TNFSF4: variants seen among roughly 807,000 people sequenced by gnomAD.
TNFSF4 encodes the protein tumor necrosis factor ligand superfamily member 4.
A neutral mutation model predicts 7.3 loss-of-function variants in TNFSF4; 4 were observed. The observed-to-expected ratio is 0.55, with a 90% CI of 0.27 to 1.25. The LOEUF is 1.25. TNFSF4 is among the 50% of genes most tolerant of loss of function. The pLI is 0.12. For missense variants in TNFSF4, 181 were observed against 208.8 expected, an observed-to-expected ratio of 0.87 and a Z score of 0.82; for synonymous variants, 76 against 83.7, an observed-to-expected ratio of 0.91 and a Z score of 0.50.
chr1:173,374,595 C>A, the TNFSF4 span, among the ~76,000 whole-genome samples: 1 of 152,136 alleles, frequency 6.6e-6, no homozygotes, highest in East Asian at 1.9e-4. Flanking sequence ...TGAAAAGACT[C>A]CTACAGCTGA....
At chr1:173,426,606 T>C in the TNFSF4 span, among the ~76,000 whole-genome samples, 1 of 151,962 alleles carries the variant, frequency 6.6e-6, no homozygotes, top group African/African-American at 2.4e-5. Flanking sequence ...AAATTTTTAT[T>C]TTACTTTGAG....
the TNFSF4 span, among the ~76,000 whole-genome samples, chr1:173,404,094 C>T: frequency 6.6e-6 from 1 of 152,164 alleles, no homozygotes; most frequent in African/African-American, 2.4e-5. Flanking sequence ...GAGCACTAGA[C>T]ATGGAAGCAA....
At chr1:173,261,524 A>G in the TNFSF4 span, among the ~76,000 whole-genome samples, 1 of 152,312 alleles carries the variant, frequency 6.6e-6, no homozygotes, top group Middle Eastern at 3.4e-3. Context: ...CTTCAAAAAA[A>G]TCAATGAAAC....
At chr1:173,244,522 G>A in the TNFSF4 span, among the ~76,000 whole-genome samples, 8 of 149,272 alleles carry the variant, frequency 5.4e-5, no homozygotes, top group Non-Finnish European at 1.2e-4. Context: ...GGCGCCTGTA[G>A]TCCCAGCTAC....
the TNFSF4 span, among the ~76,000 whole-genome samples, chr1:173,442,582 C>T: frequency 1.6e-5 from 2 of 127,814 alleles, no homozygotes; most frequent in Non-Finnish European, 3.1e-5. Flanking sequence ...CAGAGTCTCG[C>T]TTTGTCGTCC....
the TNFSF4 span, among the ~76,000 whole-genome samples, chr1:173,265,603 C>G: frequency 2.4e-4 from 37 of 152,224 alleles, no homozygotes; most frequent in African/African-American, 8.7e-4. Context: ...CTTCAGCAAT[C>G]ATTTCCATAT....
the TNFSF4 span, among the ~76,000 whole-genome samples, chr1:173,325,067 T>C: frequency 6.6e-6 from 1 of 152,160 alleles, no homozygotes; most frequent in East Asian, 1.9e-4. Context: ...ATACATTCTT[T>C]TCAGCACCAC....
the TNFSF4 span, among the ~76,000 whole-genome samples, chr1:173,296,548 G>A: frequency 6.6e-6 from 1 of 151,908 alleles, no homozygotes; most frequent in African/African-American, 2.4e-5. Flanking sequence ...GTAATGTAAG[G>A]TGTGGTGGCT....
At chr1:173,367,575 G>A in the TNFSF4 span, among the ~76,000 whole-genome samples, 3 of 152,140 alleles carry the variant, frequency 2.0e-5, no homozygotes, top group South Asian at 2.1e-4. Flanking sequence ...GAGTCAGGGG[G>A]TTTATGGAGT....
chr1:173,407,419 G>C, the TNFSF4 span, among the ~76,000 whole-genome samples: 1 of 151,834 alleles, frequency 6.6e-6, no homozygotes, highest in Admixed American at 6.6e-5. Flanking sequence ...AATTTGTCGG[G>C]TGTGGTCGCA....
chr1:173,177,086 A>G, the TNFSF4 span, among the ~76,000 whole-genome samples: 324 of 152,352 alleles, frequency 2.1e-3, 2 homozygotes, highest in Middle Eastern at 0.014. Context: ...CAGATTACCT[A>G]TGTAACAAAC....
At chr1:173,231,002 A>G in the TNFSF4 span, among the ~76,000 whole-genome samples, 1 of 152,226 alleles carries the variant, frequency 6.6e-6, no homozygotes, top group Non-Finnish European at 1.5e-5. Flanking sequence ...TCACAGCTGA[A>G]TTCTACCAGA....
the TNFSF4 span, among the ~76,000 whole-genome samples, chr1:173,403,549 T>C: frequency 1.1e-4 from 17 of 152,306 alleles, no homozygotes; most frequent in African/African-American, 4.1e-4. Flanking sequence ...TACGTAACAA[T>C]TGAGATTTGA....
chr1:173,222,578 A>G, the TNFSF4 span, among the ~76,000 whole-genome samples: 1 of 152,154 alleles, frequency 6.6e-6, no homozygotes, highest in African/African-American at 2.4e-5. Flanking sequence ...CTGGGCCCTC[A>G]TAGGTGCAGC....
At chr1:173,189,294 A>G (rs1649372276) in intron 1 of TNFSF4, among the ~76,000 whole-genome samples, 1 of 152,176 alleles carries the variant, frequency 6.6e-6, no homozygotes, top group African/African-American at 2.4e-5. Context: ...CAATCAATCC[A>G]TCATGGCCAC....
chr1:173,330,094 C>T, the TNFSF4 span, among the ~76,000 whole-genome samples: 108,994 of 151,922 alleles, frequency 0.72, 39,235 homozygotes, highest in East Asian at 0.9. Context: ...ATTAAAAACA[C>T]AAAAAATAAA....
rs1438659615 is a variant in TNFSF4 at position 173,207,226 on chromosome 1, G to A, written c.-50C>T. ...ATGAAGATATGGAAAAGGGGAACGT[G>A]CGATAAAACTGAAGTTTTCCCCAGA... On this transcript the variant is annotated 5_prime_UTR_variant, in exon 1 of 3. Transcript: ENST00000281834. The A allele has an allele frequency of 6.5e-6, 10 of 1,547,952 alleles. No homozygotes were observed. The African/African-American group carries it at 1.1e-4, about 17-fold the overall frequency.
the TNFSF4 span, among the ~76,000 whole-genome samples, chr1:173,343,049 C>A: frequency 2.6e-5 from 4 of 152,168 alleles, no homozygotes; most frequent in African/African-American, 7.2e-5. Context: ...ATTAGTTTTA[C>A]ATTTCCTTAA....
chr1:173,247,598 G>A, the TNFSF4 span, among the ~76,000 whole-genome samples: 1,174 of 152,152 alleles, frequency 7.7e-3, 12 homozygotes, highest in Non-Finnish European at 0.012. Flanking sequence ...ACAAAGTTTC[G>A]GTTATCTCTG....
Sources: allele counts gnomAD v4.1 joint callset (sites outside exome capture counted in the v4.1 genomes callset), GRCh38; gene constraint gnomAD v4.1.1; transcripts MANE v1.5; gene names NCBI Gene and HGNC (gene_info 2026-07-23, HGNC 2026-07-21).